The following FGF13 variants were observed in gnomAD, a reference collection of about 807,000 sequenced individuals.
FGF13 encodes fibroblast growth factor homologous factor 2.
In FGF13, 2 loss-of-function variants were observed where a neutral mutation model predicts 19.5. The observed-to-expected ratio is 0.10, with a 90% CI of 0.04 to 0.32. The LOEUF is 0.32. Among genes scored for constraint, FGF13 ranks in the 10% least tolerant of loss-of-function variants. FGF13 has a pLI of 1.00. For missense variants in FGF13, 113 were observed against 192.7 expected (o/e 0.59, Z 2.45); for synonymous variants, 72 against 76.9 (o/e 0.94, Z 0.33).
intron 3 of FGF13, among the ~76,000 whole-genome samples, chrX:138,790,043 CAAAAAA>C (rs764151731): frequency 3.4e-5 from 1 of 29,167 alleles, no homozygotes; most frequent in African/African-American, 1.1e-4. Context: ...AGACTCCATT[CAAAAAA>C]AAAAAAAAAA....
At chrX:139,064,457 C>T (rs1256961318) in intron 1 of FGF13, among the ~76,000 whole-genome samples, 2 of 80,059 alleles carry the variant, frequency 2.5e-5, no homozygotes, top group South Asian at 1.2e-3. Flanking sequence ...CGCCCGCCAC[C>T]GCGCCCGGCT....
At chrX:139,080,332 C>T (rs2083362222) in intron 1 of FGF13, among the ~76,000 whole-genome samples, 1 of 111,775 alleles carries the variant, frequency 8.9e-6, no homozygotes, top group African/African-American at 3.3e-5. Flanking sequence ...TTTCCTCACT[C>T]TCTCTTCCAT....
chrX:139,042,071 G>A (rs986505259), intron 1 of FGF13, among the ~76,000 whole-genome samples: 1 of 112,227 alleles, frequency 8.9e-6, no homozygotes, highest in African/African-American at 3.2e-5. Context: ...GACAATACTG[G>A]GCTGTTAGCC....
chrX:138,760,667 T>A (rs2090460906), intron 3 of FGF13, among the ~76,000 whole-genome samples: 1 of 112,108 alleles, frequency 8.9e-6, no homozygotes, highest in African/African-American at 3.2e-5. Flanking sequence ...TCAGCAAGTT[T>A]AACTACTTTG....
rs148546833 is a variant in FGF13 at position 138,817,667 on chromosome X, T to C, written c.217+39845A>G. Among the ~76,000 whole-genome samples, 18 of 111,793 alleles carry C rather than the reference T, an allele frequency of 1.6e-4. No individual in the cohort carries two copies. In the East Asian group the frequency reaches 5.1e-3, roughly 32 times the overall value. On this transcript the variant is annotated intron_variant, in intron 3 of 6. Coordinates refer to the FGF13 transcript ENST00000436198. ...CTCTTCCCACTCAAAGACAGCACAA[T>C]GATATGGTTTAATTCCTCTGAAAAA...
chrX:138,916,460 T>C (rs1018255914), intron 1 of FGF13, among the ~76,000 whole-genome samples: 1 of 111,778 alleles, frequency 8.9e-6, no homozygotes, highest in South Asian at 3.8e-4. Context: ...TGCATTTTGA[T>C]AGACCACCAT....
intron 1 of FGF13, among the ~76,000 whole-genome samples, chrX:138,965,536 G>C (rs767930931): frequency 9.8e-5 from 11 of 112,147 alleles, no homozygotes; most frequent in Non-Finnish European, 1.7e-4. Flanking sequence ...TGAGCAAGTG[G>C]TTTCTTGCAT....
At chrX:138,997,442 T>A (rs2092048568) in intron 1 of FGF13, among the ~76,000 whole-genome samples, 1 of 110,812 alleles carries the variant, frequency 9.0e-6, no homozygotes, top group Non-Finnish European at 1.9e-5. Flanking sequence ...TGAAAAAAGG[T>A]TAGACAAAAT....
At chrX:139,204,214 C>T (rs1314093018), upstream of FGF13, 4 of 750,587 alleles carry the variant, frequency 5.3e-6, no homozygotes, top group Non-Finnish European at 8.2e-6. Flanking sequence ...ACGAGCTCCC[C>T]TCGGTGTGGT....
intron 3 of FGF13, among the ~76,000 whole-genome samples, chrX:138,797,421 C>A (rs1388334223): frequency 9.0e-6 from 1 of 111,241 alleles, no homozygotes; most frequent in African/African-American, 3.3e-5. Flanking sequence ...GACTATATAT[C>A]TATTTTGGTA....
intron 1 of FGF13, among the ~76,000 whole-genome samples, chrX:138,922,380 A>G (rs989587914): frequency 8.9e-6 from 1 of 111,740 alleles, no homozygotes; most frequent in African/African-American, 3.3e-5. Context: ...AGGTATGGTG[A>G]GTTATGTCAA....
intron 1 of FGF13, among the ~76,000 whole-genome samples, chrX:139,006,500 T>C (rs1479322661): frequency 9.0e-6 from 1 of 111,522 alleles, no homozygotes; most frequent in African/African-American, 3.3e-5. Flanking sequence ...GGTACAAAAC[T>C]CACTACTAAT....
chrX:139,155,277 G>A (rs1470463997), intron 1 of FGF13, among the ~76,000 whole-genome samples: 2 of 112,135 alleles, frequency 1.8e-5, no homozygotes, highest in Non-Finnish European at 3.8e-5. Flanking sequence ...TTAATGAAAA[G>A]CAATTGCTTC....
chrX:138,751,171 G>T lies in FGF13; in HGVS notation c.218-42243C>A, dbSNP rs765417714. Among the ~76,000 whole-genome samples, 211 of 111,209 alleles carry T rather than the reference G, an allele frequency of 1.9e-3. 1 individual carries two copies. The highest frequency in any genetic ancestry group is 6.6e-3 in the African/African-American group (203 of 30,575). The stretch of plus-strand genomic sequence containing the variant: ...GTGAAAGTGGTGGAGACAGTGGGGT[G>T]AGGAAAGAAAAGGAGGTGAGGAAGT... On this transcript the variant is annotated intron_variant, in intron 3 of 6. Coordinates refer to the FGF13 transcript ENST00000436198.
chrX:138,948,326 T>C (rs1005782582), intron 1 of FGF13, among the ~76,000 whole-genome samples: 4 of 111,595 alleles, frequency 3.6e-5, no homozygotes. Context: ...TTTAAAAAGA[T>C]TGGTGGGCAT....
chrX:138,967,632 C>T (rs932019141), intron 1 of FGF13, among the ~76,000 whole-genome samples: 6 of 111,156 alleles, frequency 5.4e-5, no homozygotes, highest in African/African-American at 2.0e-4. Context: ...AAATCAACAT[C>T]CATGACATCT....
intron 1 of FGF13, among the ~76,000 whole-genome samples, chrX:139,093,622 C>G (rs936188606): frequency 1.8e-5 from 2 of 111,894 alleles, no homozygotes; most frequent in African/African-American, 6.5e-5. Flanking sequence ...TGGGGTATTA[C>G]TTTTACAAGC....
intron 1 of FGF13, among the ~76,000 whole-genome samples, chrX:138,908,786 ACAGT>A (rs1195934191): frequency 8.9e-5 from 10 of 111,799 alleles, no homozygotes; most frequent in Admixed American, 4.7e-4. Context: ...TTTGTGAGTC[ACAGT>A]CAGCCTGATA....
intron 3 of FGF13, among the ~76,000 whole-genome samples, chrX:138,752,622 T>G (rs1395488587): frequency 9.0e-6 from 1 of 111,578 alleles, no homozygotes; most frequent in Non-Finnish European, 1.9e-5. Context: ...ATCAGAAAGT[T>G]TATAGATGGC....
Sources: allele counts gnomAD v4.1 joint callset (sites outside exome capture counted in the v4.1 genomes callset), GRCh38; gene constraint gnomAD v4.1.1; transcripts MANE v1.5; gene names NCBI Gene and HGNC (gene_info 2026-07-23, HGNC 2026-07-21).